RABGAP1L: variants seen among roughly 807,000 people sequenced by gnomAD.
RABGAP1L encodes RAB GTPase activating protein 1 like.
Under a neutral mutation model 137.7 loss-of-function variants are expected in RABGAP1L, and 63 were observed. The ratio of observed to expected loss-of-function variants is 0.46; its 90% confidence interval spans 0.37 to 0.56. The LOEUF (loss-of-function observed/expected upper bound fraction) is 0.56. Ranked by LOEUF, RABGAP1L falls within the 20% of genes least tolerant of loss-of-function variation. RABGAP1L has a pLI of 0.00. For synonymous variants in RABGAP1L, 431 were observed against 433.7 expected (o/e 0.99, Z 0.08); for missense variants, 1,095 against 1,244.0 (o/e 0.88, Z 1.80).
chr1:174,616,610 T>G (rs949895131), intron 13 of RABGAP1L, among the ~76,000 whole-genome samples: 1 of 152,092 alleles, frequency 6.6e-6, no homozygotes, highest in Non-Finnish European at 1.5e-5. Context: ...GACGAATTGA[T>G]TAAGTGAGGA....
intron 7 of RABGAP1L, among the ~76,000 whole-genome samples, chr1:174,271,933 C>T (rs1357983663): frequency 3.3e-5 from 5 of 151,418 alleles, no homozygotes; most frequent in African/African-American, 1.2e-4. Context: ...GTGAACATGA[C>T]TGTGGAGGGC....
intron 14 of RABGAP1L, among the ~76,000 whole-genome samples, chr1:174,651,375 A>G (rs1162935583): frequency 6.6e-6 from 1 of 152,152 alleles, no homozygotes; most frequent in East Asian, 1.9e-4. Flanking sequence ...GCTCAGTTCA[A>G]TTCCCAGGTA....
rs1664760396 is a variant in RABGAP1L, at chr1:174,164,613, G to A, written c.-34+4956G>A. Among the ~76,000 whole-genome samples the A allele has an allele frequency of 1.3e-5, 2 of 152,066 alleles. 1 individual carries two copies. The highest frequency in any genetic ancestry group is 4.2e-4 in the South Asian group (2 of 4,818). On this transcript the variant is annotated intron_variant, in intron 1 of 25. Coordinates refer to ENST00000681986, the MANE Select transcript of RABGAP1L (RefSeq NM_001366446.1). Reference sequence around the variant, plus strand: ...TGGTAGCTCAAAATTGGTCATGGTGGGAATATTTACACCAGGAAATTCAGC... The same window carrying A: ...TGGTAGCTCAAAATTGGTCATGGTGAGAATATTTACACCAGGAAATTCAGC...
chr1:174,989,401 CTCCACCACACCAGCCAGCT>C, intron 25 of RABGAP1L, among the ~76,000 whole-genome samples: 1 of 152,318 alleles, frequency 6.6e-6, no homozygotes. Flanking sequence ...TGTCACCAGC[CTCCACCACACCAGCCAGCT>C]TCCACCATGT....
chr1:174,565,076 G>T (rs1342534480), intron 13 of RABGAP1L, among the ~76,000 whole-genome samples: 1 of 152,150 alleles, frequency 6.6e-6, no homozygotes, highest in Non-Finnish European at 1.5e-5. Context: ...CAGGCAGTAT[G>T]CTTTGAAGAT....
rs188569985 is a variant in RABGAP1L, at chr1:174,447,412, A to G, written c.1710+53267A>G. Among the ~76,000 whole-genome samples the G allele has an allele frequency of 2.5e-4, 38 of 152,280 alleles. 1 individual carries two copies. In the East Asian group the frequency reaches 7.1e-3, roughly 29 times the overall value. On this transcript the variant is annotated intron_variant, in intron 13 of 25. Transcript: ENST00000681986. ...TGAATCTTTTCAAATTAACTTTGAT[A>G]GAGTTGTTTTTCTTAGATTTTAGAA...
intron 13 of RABGAP1L, among the ~76,000 whole-genome samples, chr1:174,617,481 T>C (rs556506346): frequency 3.9e-5 from 6 of 152,372 alleles, no homozygotes; most frequent in East Asian, 1.9e-4. Context: ...AGAACTGTTA[T>C]AGTCTCTCAG....
chr1:174,895,793 T>C (rs1342308798), intron 19 of RABGAP1L, among the ~76,000 whole-genome samples: 1 of 152,236 alleles, frequency 6.6e-6, no homozygotes, highest in African/African-American at 2.4e-5. Flanking sequence ...TGTGGCTGCA[T>C]AGTATTCCAT....
chr1:174,650,572 C>T (rs199865320), intron 14 of RABGAP1L, among the ~76,000 whole-genome samples: 15,958 of 151,458 alleles, frequency 0.11, 927 homozygotes, highest in East Asian at 0.21. Flanking sequence ...GGAGGGTGTA[C>T]GTGTCGAGGA....
chr1:174,889,564 G>C (rs1234387394), intron 19 of RABGAP1L, among the ~76,000 whole-genome samples: 1 of 151,956 alleles, frequency 6.6e-6, no homozygotes. Flanking sequence ...GGGATTATAG[G>C]TGCATGTCAC....
intron 4 of RABGAP1L, among the ~76,000 whole-genome samples, chr1:174,233,951 T>C (rs1164259253): frequency 2.2e-5 from 3 of 134,260 alleles, no homozygotes; most frequent in East Asian, 2.0e-4. Flanking sequence ...TTTTAATGAT[T>C]GCCATTCTGA....
intron 13 of RABGAP1L, among the ~76,000 whole-genome samples, chr1:174,613,878 A>G (rs1396311793): frequency 1.3e-5 from 2 of 151,876 alleles, no homozygotes; most frequent in African/African-American, 4.8e-5. Context: ...TAGGATTGCA[A>G]CCCCTGCCTT....
At chr1:174,327,373 T>C (rs7523938) in intron 11 of RABGAP1L, among the ~76,000 whole-genome samples, 87,256 of 151,886 alleles carry the variant, frequency 0.57, 27,446 homozygotes, top group African/African-American at 0.85. Context: ...GATATCAAAA[T>C]ATGAAATATG....
At chr1:174,219,521 AAAG>A (rs1669596016) in intron 2 of RABGAP1L, among the ~76,000 whole-genome samples, 1 of 150,964 alleles carries the variant, frequency 6.6e-6, no homozygotes, top group African/African-American at 2.4e-5. Context: ...AAAAGAAGAA[AAAG>A]AAGAGAAAGG....
At chr1:174,442,267 G>T (rs1474493895) in intron 13 of RABGAP1L, among the ~76,000 whole-genome samples, 1 of 151,218 alleles carries the variant, frequency 6.6e-6, no homozygotes, top group Non-Finnish European at 1.5e-5. Context: ...GATTTTGTTT[G>T]ATTTTAATAC....
chr1:174,603,974 G>A (rs750777934), intron 13 of RABGAP1L, among the ~76,000 whole-genome samples: 4 of 151,726 alleles, frequency 2.6e-5, no homozygotes, highest in Non-Finnish European at 5.9e-5. Context: ...GCAGAAGGAA[G>A]GAGTTTCTTC....
intron 11 of RABGAP1L, among the ~76,000 whole-genome samples, chr1:174,318,395 T>G (rs906542736): frequency 1.3e-5 from 2 of 152,188 alleles, no homozygotes; most frequent in African/African-American, 4.8e-5. Context: ...CAGGTAAACT[T>G]TTCTCCTTAC....
intron 1 of RABGAP1L, among the ~76,000 whole-genome samples, chr1:174,175,541 C>A (rs1350902723): frequency 6.7e-6 from 1 of 148,726 alleles, no homozygotes; most frequent in Admixed American, 6.7e-5. Context: ...CTCACTGTAA[C>A]CTCTGCCTGC....
chr1:174,635,243 A>T (rs1005640077), intron 13 of RABGAP1L, among the ~76,000 whole-genome samples: 3 of 152,114 alleles, frequency 2.0e-5, no homozygotes, highest in African/African-American at 7.2e-5. Context: ...CTCTCTCTTA[A>T]TGTCCTGAAA....
Sources: gnomAD v4.1 joint callset for allele counts (sites outside exome capture counted in the v4.1 genomes callset) on GRCh38, gnomAD v4.1.1 for gene constraint, MANE v1.5 for transcripts, NCBI Gene and HGNC (gene_info 2026-07-23, HGNC 2026-07-21) for gene names.